The following SESN3 variants were observed in gnomAD, a reference collection of about 807,000 sequenced individuals.
The protein encoded by SESN3 is sestrin 3.
In SESN3, 21 loss-of-function variants were observed where a neutral mutation model predicts 55.3. The observed-to-expected ratio is 0.38, with a 90% CI of 0.27 to 0.55. The LOEUF is 0.55. Ranked by LOEUF, SESN3 falls within the 20% of genes least tolerant of loss-of-function variation. The pLI, the probability that SESN3 is intolerant of heterozygous loss-of-function variation, is 0.76. For missense variants in SESN3, 408 were observed against 604.3 expected, an observed-to-expected ratio of 0.68 and a Z score of 3.41; for synonymous variants, 181 against 203.1, an observed-to-expected ratio of 0.89 and a Z score of 0.93.
intron 9 of SESN3, among the ~76,000 whole-genome samples, chr11:95,174,204 C>A (rs1180885689): frequency 2.6e-5 from 4 of 152,164 alleles, no homozygotes; most frequent in Admixed American, 1.3e-4. Flanking sequence ...TAAGATCATA[C>A]AGTTTATTAG....
At chr11:95,200,440 T>C (rs1860441118) in intron 1 of SESN3, among the ~76,000 whole-genome samples, 1 of 152,074 alleles carries the variant, frequency 6.6e-6, no homozygotes, top group Non-Finnish European at 1.5e-5. Flanking sequence ...TCCAAGATTA[T>C]TCCATAAGAA....
intron 3 of SESN3, 130 bp downstream of exon 3, chr11:95,191,274 G>T: frequency 1.4e-6 from 1 of 728,350 alleles, no homozygotes; most frequent in South Asian, 1.8e-5. Context: ...AAAGGCCATA[G>T]GCTTCTTCAG....
In SESN3 at chr11:95,173,161, T is replaced by C. The variant is rs923058200; in HGVS notation, c.*94A>G. 6 of 693,830 alleles carry C rather than the reference T, an allele frequency of 8.6e-6. No individual in the cohort carries two copies. The highest frequency in any genetic ancestry group is 3.5e-5 in the African/African-American group (2 of 57,120). 43.0% of individuals were successfully genotyped at this position (693,830 alleles called of 1,614,324 possible). A position where few individuals can be genotyped will look rare whatever the true frequency, so the allele number is the denominator to read the frequency against. On this transcript the variant is annotated 3_prime_UTR_variant, in exon 10 of 10. Transcript: ENST00000536441. Reference sequence around the variant, plus strand: ...CGGCTAAACTTTGACACTAGAGAACTGAATAATTTTTGATGCTATATCACA... The same window carrying C: ...CGGCTAAACTTTGACACTAGAGAACCGAATAATTTTTGATGCTATATCACA...
chr11:95,173,118 C>CAA lies in SESN3; in HGVS notation c.*135_*136dup, dbSNP rs781304580. ...CATTGCACATTACAGCCGCAAAAAA[C>CAA]AAAAAAAAAAAAACAAACGGCTAAA... is the stretch of plus-strand genomic sequence containing the variant. On this transcript the variant is annotated 3_prime_UTR_variant, in exon 10 of 10. Coordinates refer to ENST00000536441, the MANE Select transcript of SESN3 (RefSeq NM_144665.4). The CAA allele has an allele frequency of 5.6e-3, 2,329 of 412,822 alleles. 1 individual carries two copies. The highest frequency in any genetic ancestry group is 0.011 in the South Asian group (230 of 20,104). 25.6% of individuals were successfully genotyped at this position (412,822 alleles called of 1,614,324 possible).
Position 95,171,940 on chromosome 11 carries a change from A to G in SESN3, c.*1315T>C, listed in dbSNP as rs371969891. 11 of 152,184 alleles carry G rather than the reference A, an allele frequency of 7.2e-5. No individual in the cohort carries two copies. Among genetic ancestry groups the G allele is most frequent in the Admixed American group, 5.2e-4 (8 of 15,274 alleles). 9.4% of individuals were successfully genotyped at this position (152,184 alleles called of 1,614,324 possible). A position where few individuals can be genotyped will look rare whatever the true frequency, so the allele number is the denominator to read the frequency against. ...CCGCTTATTCCTCCCCTATGACTTA[A>G]TAACGTTTTTAAACCAGTTGTCCAA... On this transcript the variant is annotated 3_prime_UTR_variant, in exon 10 of 10. Coordinates refer to ENST00000536441, the MANE Select transcript of SESN3 (RefSeq NM_144665.4).
chr11:95,225,462 T>C (rs1860931514), intron 1 of SESN3, among the ~76,000 whole-genome samples: 1 of 152,226 alleles, frequency 6.6e-6, no homozygotes. Context: ...ACCTGGAGAA[T>C]CTTCGGTATC....
Position 95,172,252 on chromosome 11 carries a change from T to C in SESN3, c.*1003A>G, listed in dbSNP as rs1270153421. On this transcript the variant is annotated 3_prime_UTR_variant, in exon 10 of 10. Transcript: ENST00000536441. ...GTCTAACCTATTATAAGAACAAAAG[T>C]CATGGAAAATAATTTCTAAAAGCCT... 6.6e-6 allele frequency: 1 copy of C among 152,060 alleles called. No homozygotes were observed. Among genetic ancestry groups the C allele is most frequent in the East Asian group, 1.9e-4 (1 of 5,194 alleles). 9.4% of individuals were successfully genotyped at this position (152,060 alleles called of 1,614,324 possible).
chr11:95,177,669 C>G (rs1192875931), intron 8 of SESN3, 50 bp downstream of exon 8: 26 of 1,429,786 alleles, frequency 1.8e-5, no homozygotes, highest in Non-Finnish European at 2.5e-5. Context: ...AAGACTCATG[C>G]TTGAATTTTC....
At chr11:95,191,781 C>T (rs1860274144) in intron 2 of SESN3, among the ~76,000 whole-genome samples, 180 bp from the exon 3 acceptor site, 1 of 151,994 alleles carries the variant, frequency 6.6e-6, no homozygotes, top group African/African-American at 2.4e-5. Flanking sequence ...TCATTTTTGG[C>T]TCTGGTACCA....
At chr11:95,177,404 C>T (rs1859978326) in intron 8 of SESN3, among the ~76,000 whole-genome samples, 1 of 152,074 alleles carries the variant, frequency 6.6e-6, no homozygotes, top group African/African-American at 2.4e-5. Flanking sequence ...GACACTACAC[C>T]TGTTTTTTTA....
chr11:95,232,046 C>CA (rs1422283308), upstream of SESN3: 1 of 152,208 alleles, frequency 6.6e-6, no homozygotes, highest in East Asian at 1.9e-4. Context: ...TTTTCTCACC[C>CA]AAAAGACCTT....
chr11:95,195,197 TA>T (rs1428958772), intron 1 of SESN3, among the ~76,000 whole-genome samples: 1 of 152,166 alleles, frequency 6.6e-6, no homozygotes, highest in African/African-American at 2.4e-5. Context: ...AATGATTTAT[TA>T]AATTTGTTGA....
At chr11:95,212,771 C>T (rs10831318) in intron 1 of SESN3, among the ~76,000 whole-genome samples, 39,457 of 151,994 alleles carry the variant, frequency 0.26, 5,832 homozygotes, top group Non-Finnish European at 0.32. Context: ...TCTATGTCTA[C>T]GCATCTGAGC....
In SESN3 at chr11:95,230,485, G is replaced by A. The variant is rs992863693; in HGVS notation, c.78+298C>T. On this transcript the variant is annotated intron_variant, in intron 1 of 9. Transcript: ENST00000536441. The surrounding 1 kb of genome is among the most constrained non-coding windows in gnomAD (Gnocchi z 4.6). ...CGCCCTCCGCCCAAGGAGCCGACCC[G>A]GGGTAGCAAGGTAGGGAAATGAGCC... The A allele has an allele frequency of 2.6e-5, 9 of 346,980 alleles. No individual in the cohort carries two copies. The highest frequency in any genetic ancestry group is 1.5e-4 in the South Asian group (5 of 32,552). 21.5% of individuals were successfully genotyped at this position (346,980 alleles called of 1,614,324 possible). A position where few individuals can be genotyped will look rare whatever the true frequency, so the allele number is the denominator to read the frequency against.
chr11:95,210,995 G>T (rs11021077), intron 1 of SESN3, among the ~76,000 whole-genome samples: 4,266 of 152,276 alleles, frequency 0.028, 191 homozygotes, highest in East Asian at 0.21. Flanking sequence ...GAAAAATTCA[G>T]AGAAAAAGAT....
At position 95,191,514 on chromosome 11, in the gene SESN3, C is replaced by T; in HGVS notation, c.232G>A (p.Val78Ile). 1 of 1,612,988 alleles carries T rather than the reference C, an allele frequency of 6.2e-7. No individual in the cohort carries two copies. The highest frequency in any genetic ancestry group is 8.5e-7 in the Non-Finnish European group (1 of 1,179,294). Residue 78 changes from valine (V) to isoleucine (I), a missense_variant, in exon 3 of 10, where the codon GTC becomes ATC. By Grantham distance (29) the Val-to-Ile change is conservative. Around this residue, in one of 4 missense-constraint regions of SESN3, gnomAD observed 107 missense variants for 211.3 expected, o/e 0.51. Transcript: ENST00000536441. The stretch of plus-strand genomic sequence containing the variant: ...AGGTACTGAGTGTGTAAACTCATGA[C>T]CTGTGTGATGTTGTCCAGACGACCG... ...TSGRLDNITQ[V>I]MSLHTQYLES...
At chr11:95,181,806 C>G (rs1312410728) in intron 6 of SESN3, among the ~76,000 whole-genome samples, 2 of 152,006 alleles carry the variant, frequency 1.3e-5, no homozygotes, top group African/African-American at 4.8e-5. Context: ...AAAAAAAACC[C>G]TTTTTATTTC....
intron 6 of SESN3, among the ~76,000 whole-genome samples, chr11:95,183,345 T>A (rs778368023): frequency 1.3e-5 from 2 of 152,104 alleles, no homozygotes; most frequent in Non-Finnish European, 1.5e-5. Flanking sequence ...ATAAAATTTT[T>A]CATAAAAAAG....
At chr11:95,222,891 G>C (rs1393081821) in intron 1 of SESN3, among the ~76,000 whole-genome samples, 1 of 152,182 alleles carries the variant, frequency 6.6e-6, no homozygotes, top group Non-Finnish European at 1.5e-5. Context: ...ACAGGTTTAA[G>C]GAAACTGTTA....
Sources: allele counts gnomAD v4.1 joint callset (sites outside exome capture counted in the v4.1 genomes callset), GRCh38; gene constraint gnomAD v4.1.1; regional missense constraint gnomAD v4.1.1; non-coding constraint Gnocchi (gnomAD v3.1); transcripts MANE v1.5; gene names NCBI Gene and HGNC (gene_info 2026-07-23, HGNC 2026-07-21).